Variants in MARCHF11 observed in about 807,000 individuals in gnomAD.
The protein encoded by MARCHF11 is membrane associated ring-CH-type finger 11.
Under a neutral mutation model 37.3 loss-of-function variants are expected in MARCHF11, and 29 were observed. The observed-to-expected ratio is 0.78, with a 90% CI of 0.58 to 1.06. The LOEUF (loss-of-function observed/expected upper bound fraction) is 1.06. MARCHF11 is among the 50% of genes least tolerant of loss of function. The pLI is 0.00. For synonymous variants in MARCHF11, 233 were observed against 228.0 expected, an observed-to-expected ratio of 1.02 and a Z score of -0.20; for missense variants, 482 against 533.4, an observed-to-expected ratio of 0.90 and a Z score of 0.95.
At chr5:16,079,233 T>G (rs1379123087) in intron 3 of MARCHF11, among the ~76,000 whole-genome samples, 1 of 152,042 alleles carries the variant, frequency 6.6e-6, no homozygotes, top group Non-Finnish European at 1.5e-5. Context: ...GCTCTGAAGC[T>G]CTCCCATCCC....
At chr5:16,080,991 C>G (rs6862386) in intron 3 of MARCHF11, among the ~76,000 whole-genome samples, 4,121 of 152,206 alleles carry the variant, frequency 0.027, 170 homozygotes, top group African/African-American at 0.094. Context: ...TTTTGTTCTT[C>G]CCATACCAGA....
intron 3 of MARCHF11, among the ~76,000 whole-genome samples, chr5:16,083,416 T>C (rs1274523556): frequency 6.6e-6 from 1 of 152,222 alleles, no homozygotes; most frequent in Non-Finnish European, 1.5e-5. Flanking sequence ...TATTTATTCA[T>C]AAATATTTTA....
At chr5:16,152,547 G>T (rs1027255692) in intron 2 of MARCHF11, among the ~76,000 whole-genome samples, 1 of 151,876 alleles carries the variant, frequency 6.6e-6, no homozygotes, top group Admixed American at 6.6e-5. Flanking sequence ...ATCTACAAAC[G>T]GTTTTCACAG....
At chr5:16,147,392 A>G (rs1737817165) in intron 2 of MARCHF11, among the ~76,000 whole-genome samples, 1 of 152,110 alleles carries the variant, frequency 6.6e-6, no homozygotes. Flanking sequence ...TTAATAGCTG[A>G]AAAAAACTGG....
chr5:16,102,462 C>G (rs1000168610), intron 2 of MARCHF11, among the ~76,000 whole-genome samples: 10 of 152,154 alleles, frequency 6.6e-5, no homozygotes, highest in African/African-American at 2.4e-4. Context: ...TGTCCTGTGC[C>G]CATAAGAACC....
chr5:16,158,714 AT>A (rs1342961414), intron 2 of MARCHF11, among the ~76,000 whole-genome samples: 1 of 151,954 alleles, frequency 6.6e-6, no homozygotes, highest in Admixed American at 6.6e-5. Context: ...TTTAAATTGT[AT>A]TTTAAGTTTC....
Position 16,067,359 on chromosome 5 carries a change from A to T in MARCHF11, c.*112T>A. The T allele has an allele frequency of 3.0e-6, 3 of 985,898 alleles. No individual in the cohort carries two copies. The highest frequency in any genetic ancestry group is 4.5e-6 in the Non-Finnish European group (3 of 670,268). 61.1% of individuals were successfully genotyped at this position (985,898 alleles called of 1,614,324 possible). ...TTCAAATGTTCATATAAAAAGCATA[A>T]ATTTTAAAAAGTTCATAGATGTGTT... On this transcript the variant is annotated 3_prime_UTR_variant, in exon 4 of 4. Transcript: ENST00000332432.
chr5:16,178,125 T>C (rs1050289200), intron 1 of MARCHF11, among the ~76,000 whole-genome samples: 9 of 152,232 alleles, frequency 5.9e-5, no homozygotes, highest in Admixed American at 6.5e-5. Context: ...CTGCAAGATA[T>C]AGCTCCCAAT....
chr5:16,112,519 C>T (rs1202958551), intron 2 of MARCHF11, among the ~76,000 whole-genome samples: 1 of 152,210 alleles, frequency 6.6e-6, no homozygotes, highest in Admixed American at 6.5e-5. Context: ...TACCCAATGC[C>T]TGTACCCACA....
At chr5:16,165,271 A>G (rs941776096) in intron 2 of MARCHF11, among the ~76,000 whole-genome samples, 2 of 152,068 alleles carry the variant, frequency 1.3e-5, no homozygotes, top group Non-Finnish European at 2.9e-5. Flanking sequence ...TTCATTTTAG[A>G]GTAGTTTTTT....
In MARCHF11 at chr5:16,159,232, C is replaced by A. The variant is rs373950337; in HGVS notation, c.693+18494G>T. Among the ~76,000 whole-genome samples, 7 of 151,740 alleles carry A rather than the reference C, an allele frequency of 4.6e-5. No individual in the cohort carries two copies. In the East Asian group the frequency reaches 1.4e-3, roughly 30 times the overall value. On this transcript the variant is annotated intron_variant, in intron 2 of 3. Coordinates refer to ENST00000332432, the MANE Select transcript of MARCHF11 (RefSeq NM_001102562.3). Reference sequence around the variant, plus strand: ...AAGTTTAATAAGTTTTATGGACACACCATCATACAACAGAAGCTTCCTGCT... The same window carrying A: ...AAGTTTAATAAGTTTTATGGACACAACATCATACAACAGAAGCTTCCTGCT...
intron 2 of MARCHF11, among the ~76,000 whole-genome samples, chr5:16,167,098 C>T (rs904553276): frequency 4.0e-5 from 6 of 150,386 alleles, no homozygotes; most frequent in Non-Finnish European, 8.8e-5. Context: ...TTCACACCAT[C>T]ATGAAATTGA....
intron 3 of MARCHF11, among the ~76,000 whole-genome samples, chr5:16,087,544 C>T (rs1736718888): frequency 6.6e-6 from 1 of 152,186 alleles, no homozygotes; most frequent in East Asian, 1.9e-4. Flanking sequence ...ACTGCTCAAT[C>T]TCACTAGCCA....
intron 3 of MARCHF11, among the ~76,000 whole-genome samples, chr5:16,089,173 A>G (rs985402440): frequency 6.6e-6 from 1 of 152,094 alleles, no homozygotes; most frequent in East Asian, 1.9e-4. Context: ...AAGAAAGTCA[A>G]CTGGACTTTT....
chr5:16,071,058 T>C (rs1418468553), intron 3 of MARCHF11, among the ~76,000 whole-genome samples: 1 of 152,200 alleles, frequency 6.6e-6, no homozygotes, highest in East Asian at 1.9e-4. Flanking sequence ...TTCATTCAAC[T>C]TTGGCTCATT....
chr5:16,136,993 TA>T (rs1737619989), intron 2 of MARCHF11, among the ~76,000 whole-genome samples: 1 of 151,614 alleles, frequency 6.6e-6, no homozygotes, highest in Admixed American at 6.6e-5. Flanking sequence ...TAAATAACAA[TA>T]AAAAATATAA....
chr5:16,161,508 C>A (rs173177), intron 2 of MARCHF11, among the ~76,000 whole-genome samples: 140,395 of 151,916 alleles, frequency 0.92, 65,685 homozygotes, highest in East Asian at 1. Context: ...TGACTAAGTA[C>A]CATAAGCTCA....
chr5:16,107,855 G>GGAGTTCGGCCGCTGGAT lies in MARCHF11; in HGVS notation c.694-16791_694-16775dup, dbSNP rs768950381. 2.6e-3 allele frequency among the ~76,000 whole-genome samples: 387 copies of GGAGTTCGGCCGCTGGAT among 151,108 alleles called. 1 individual carries two copies. Among genetic ancestry groups the GGAGTTCGGCCGCTGGAT allele is most frequent in the South Asian group, 6.7e-3 (32 of 4,766 alleles). On this transcript the variant is annotated intron_variant, in intron 2 of 3. Coordinates refer to ENST00000332432, the MANE Select transcript of MARCHF11 (RefSeq NM_001102562.3). ...GAGTTTGGCTGGGGGTGGTCAGAGA[G>GGAGTTCGGCCGCTGGAT]GAGTTCGGCCGCTGGATGGGCAAAC...
At chr5:16,139,216 C>G (rs1033234037) in intron 2 of MARCHF11, among the ~76,000 whole-genome samples, 4 of 152,134 alleles carry the variant, frequency 2.6e-5, no homozygotes, top group African/African-American at 9.6e-5. Flanking sequence ...GTAATTGAAT[C>G]ATGGGGGTGG....
Sources: gnomAD v4.1 joint callset for allele counts (sites outside exome capture counted in the v4.1 genomes callset) on GRCh38, gnomAD v4.1.1 for gene constraint, MANE v1.5 for transcripts, NCBI Gene and HGNC (gene_info 2026-07-23, HGNC 2026-07-21) for gene names.